Variants in PDE11A observed in about 807,000 individuals in gnomAD.
PDE11A encodes phosphodiesterase 11A.
A neutral mutation model predicts 100.5 loss-of-function variants in PDE11A; 100 were observed. That is an observed-to-expected ratio of 1.00 (90% CI 0.85 to 1.18). The LOEUF is 1.18. Among genes scored for constraint, PDE11A ranks in the 50% most tolerant of loss-of-function variants. The pLI is 0.00. For missense variants in PDE11A, 1,141 were observed against 1,152.6 expected (o/e 0.99, Z 0.15); for synonymous variants, 381 against 420.8 (o/e 0.91, Z 1.16).
At chr2:177,927,304 C>T (rs61448024) in intron 2 of PDE11A, among the ~76,000 whole-genome samples, 1,786 of 152,264 alleles carry the variant, frequency 0.012, 34 homozygotes, top group African/African-American at 0.041. Flanking sequence ...AAAAAATTTG[C>T]CTTAATGTAA....
At chr2:177,961,506 T>G (rs2085632169) in intron 2 of PDE11A, among the ~76,000 whole-genome samples, 1 of 152,244 alleles carries the variant, frequency 6.6e-6, no homozygotes, top group Admixed American at 6.5e-5. Context: ...ATTCACATAC[T>G]ACCTGTTACG....
At chr2:177,836,621 T>A (rs2083404409) in intron 6 of PDE11A, among the ~76,000 whole-genome samples, 1 of 152,210 alleles carries the variant, frequency 6.6e-6, no homozygotes, top group Non-Finnish European at 1.5e-5. Flanking sequence ...GGAAGCTTTG[T>A]TCTTTTGCTC....
At chr2:177,650,692 AT>A (rs1307068135) in intron 19 of PDE11A, among the ~76,000 whole-genome samples, 1 of 152,206 alleles carries the variant, frequency 6.6e-6, no homozygotes, top group East Asian at 1.9e-4. Flanking sequence ...AATTTTATAC[AT>A]AGATAGTAGG....
chr2:177,900,770 A>C (rs1273670240), intron 3 of PDE11A, among the ~76,000 whole-genome samples: 2 of 151,846 alleles, frequency 1.3e-5, no homozygotes, highest in African/African-American at 4.8e-5. Flanking sequence ...AAAAAAAGAA[A>C]GAAAAGAAAA....
At chr2:177,912,648 C>T (rs1574273537) in intron 2 of PDE11A, among the ~76,000 whole-genome samples, 2 of 152,086 alleles carry the variant, frequency 1.3e-5, no homozygotes, top group African/African-American at 2.4e-5. Context: ...TTGCAGGACC[C>T]ATGTCCTTTC....
chr2:177,947,778 A>T (rs2085461302), intron 2 of PDE11A, among the ~76,000 whole-genome samples: 2 of 152 alleles, frequency 0.013, no homozygotes, highest in South Asian at 0.17. Context: ...AAATAAATTT[A>T]AAAAAATAAA....
intron 17 of PDE11A, among the ~76,000 whole-genome samples, chr2:177,670,991 T>C (rs1206156923): frequency 6.6e-6 from 1 of 152,210 alleles, no homozygotes; most frequent in East Asian, 1.9e-4. Flanking sequence ...TCTCTCCTGC[T>C]ACCCTGCATT....
chr2:178,105,638 G>A (rs7574081), intron 1 of PDE11A: 418 of 510,832 alleles, frequency 8.2e-4, no homozygotes, highest in African/African-American at 3.8e-3. Context: ...GTACTTTATC[G>A]ATGTCTCAGG....
At chr2:177,720,520 A>G (rs1221960434) in intron 12 of PDE11A, among the ~76,000 whole-genome samples, 1 of 152,144 alleles carries the variant, frequency 6.6e-6, no homozygotes, top group Non-Finnish European at 1.5e-5. Context: ...TTGTCTACCA[A>G]TAAATGGGTC....
intron 1 of PDE11A, among the ~76,000 whole-genome samples, chr2:178,020,924 GGTGTGTGTGTGTGTGTGTGTGTGTGT>G (rs532087273): frequency 1.7e-4 from 21 of 125,792 alleles, no homozygotes; most frequent in Admixed American, 1.3e-3. Flanking sequence ...TTTTTGTCTT[GGTGTGTGTGTGTGTGTGTGTGTGTGT>G]GTGTGTGTGT....
intron 1 of PDE11A, among the ~76,000 whole-genome samples, chr2:178,050,528 G>C (rs1277598916): frequency 2.0e-5 from 3 of 152,286 alleles, no homozygotes; most frequent in Non-Finnish European, 2.9e-5. Flanking sequence ...AGAGAAGAAG[G>C]CTTCAGAAGA....
chr2:177,770,330 T>C (rs962639262), intron 9 of PDE11A, among the ~76,000 whole-genome samples: 1 of 152,158 alleles, frequency 6.6e-6, no homozygotes, highest in Non-Finnish European at 1.5e-5. Context: ...AAAGAAGATA[T>C]ATTGAGTAGA....
chr2:177,805,283 C>T (rs142066741), intron 9 of PDE11A, among the ~76,000 whole-genome samples: 51 of 152,114 alleles, frequency 3.4e-4, no homozygotes, highest in African/African-American at 1.2e-3. Flanking sequence ...TGTATTTTCT[C>T]CTTACAAGAA....
chr2:177,887,752 TCAAA>T (rs1279390214), intron 4 of PDE11A, among the ~76,000 whole-genome samples: 1 of 152,114 alleles, frequency 6.6e-6, no homozygotes, highest in East Asian at 1.9e-4. Flanking sequence ...AAACCCTGTC[TCAAA>T]CAAACAAGCA....
At chr2:177,850,601 C>G (rs946561655) in intron 5 of PDE11A, among the ~76,000 whole-genome samples, 91 of 152,100 alleles carry the variant, frequency 6.0e-4, no homozygotes, top group Non-Finnish European at 9.3e-4. Flanking sequence ...AACAGGCAAC[C>G]TACAGAATGG....
chr2:177,991,178 A>G (rs1256824616), intron 2 of PDE11A, among the ~76,000 whole-genome samples: 1 of 149,916 alleles, frequency 6.7e-6, no homozygotes, highest in Non-Finnish European at 1.5e-5. Flanking sequence ...TACAAAAATT[A>G]GCTGGGTGTG....
intron 2 of PDE11A, among the ~76,000 whole-genome samples, chr2:177,969,793 T>C (rs1178665865): frequency 6.6e-6 from 1 of 152,144 alleles, no homozygotes; most frequent in African/African-American, 2.4e-5. Flanking sequence ...TAAAAATACA[T>C]ATAACCGTGA....
At chr2:177,850,775 A>C (rs1017151502) in intron 5 of PDE11A, among the ~76,000 whole-genome samples, 1 of 152,228 alleles carries the variant, frequency 6.6e-6, no homozygotes, top group Non-Finnish European at 1.5e-5. Context: ...GCCAACAGAC[A>C]CATGAAAAAA....
chr2:177,971,460 A>G, intron 2 of PDE11A, among the ~76,000 whole-genome samples: 1 of 152,200 alleles, frequency 6.6e-6, no homozygotes, highest in East Asian at 1.9e-4. Flanking sequence ...CTACCTCCAC[A>G]GATACTTTCA....
Sources: allele counts gnomAD v4.1 joint callset (sites outside exome capture counted in the v4.1 genomes callset), GRCh38; gene constraint gnomAD v4.1.1; transcripts MANE v1.5; gene names NCBI Gene and HGNC (gene_info 2026-07-23, HGNC 2026-07-21).